The following TNR variants were observed in gnomAD, a reference collection of about 807,000 sequenced individuals.
TNR encodes the protein tenascin-R.
In TNR, 45 loss-of-function variants were observed where a neutral mutation model predicts 150.4. The observed-to-expected ratio is 0.30, with a 90% confidence interval of 0.24 to 0.38. TNR has a LOEUF of 0.38. Ranked by LOEUF, TNR falls within the 10% of genes least tolerant of loss-of-function variation. The pLI is 1.00. For missense variants in TNR, 1,544 were observed against 1,759.1 expected (o/e 0.88, Z 2.19); for synonymous variants, 687 against 678.4 (o/e 1.01, Z -0.20).
intron 1 of TNR, among the ~76,000 whole-genome samples, chr1:175,681,583 C>T (rs1326147835): frequency 1.3e-5 from 2 of 152,222 alleles, no homozygotes; most frequent in East Asian, 1.9e-4. Flanking sequence ...CATGCTCCTT[C>T]CTGTCTCCTG....
chr1:175,379,791 G>A, intron 8 of TNR, 54 bp from the exon 9 acceptor site: 1 of 1,579,618 alleles, frequency 6.3e-7, no homozygotes, highest in South Asian at 1.2e-5. Context: ...ATGTACATTT[G>A]TGGTGCATCT....
intron 1 of TNR, among the ~76,000 whole-genome samples, chr1:175,613,902 A>G (rs533305942): frequency 2.0e-5 from 3 of 152,100 alleles, no homozygotes; most frequent in Non-Finnish European, 4.4e-5. Context: ...AATCAGAGAG[A>G]TTTTATGGTA....
intron 1 of TNR, among the ~76,000 whole-genome samples, chr1:175,722,677 C>G (rs927050368): frequency 6.6e-6 from 1 of 152,150 alleles, no homozygotes; most frequent in Non-Finnish European, 1.5e-5. Flanking sequence ...GTTGCTCACA[C>G]TGGTCTTGAA....
At chr1:175,539,741 G>A (rs191797027) in intron 1 of TNR, among the ~76,000 whole-genome samples, 29 of 152,302 alleles carry the variant, frequency 1.9e-4, no homozygotes, top group Admixed American at 1.2e-3. Flanking sequence ...GAAGGTCTTC[G>A]CAAAACCCTC....
At chr1:175,619,322 T>C (rs1257450619) in intron 1 of TNR, among the ~76,000 whole-genome samples, 9 of 152,176 alleles carry the variant, frequency 5.9e-5, no homozygotes, top group Admixed American at 3.3e-4. Flanking sequence ...CTTTACCAGC[T>C]TGCAACACAT....
chr1:175,522,210 T>C (rs960862073), intron 2 of TNR, among the ~76,000 whole-genome samples: 7 of 152,190 alleles, frequency 4.6e-5, no homozygotes, highest in African/African-American at 1.7e-4. Flanking sequence ...GCTTAGAAGA[T>C]TTCTGACTCC....
intron 1 of TNR, among the ~76,000 whole-genome samples, chr1:175,616,120 G>C (rs556746513): frequency 4.9e-4 from 75 of 152,288 alleles, no homozygotes; most frequent in African/African-American, 1.5e-3. Context: ...GGCCAAATAG[G>C]CTTCCAGGTC....
In TNR at chr1:175,368,805, C is replaced by T. The variant is rs139795095; in HGVS notation, c.1964-1508G>A. On this transcript the variant is annotated intron_variant, in intron 9 of 22. Coordinates refer to ENST00000367674, the MANE Select transcript of TNR (RefSeq NM_003285.3). The stretch of plus-strand genomic sequence containing the variant: ...CTCTACTAAAATTACAACAATTAGC[C>T]GGGTGTGGTGGTGTGCACCTGTAGT... 1.1e-3 allele frequency among the ~76,000 whole-genome samples: 172 copies of T among 152,190 alleles called. 1 individual carries two copies. Among genetic ancestry groups the T allele is most frequent in the African/African-American group, 3.4e-3 (140 of 41,534 alleles).
intron 2 of TNR, among the ~76,000 whole-genome samples, chr1:175,505,467 G>C (rs1043809026): frequency 5.9e-5 from 9 of 152,210 alleles, no homozygotes; most frequent in Non-Finnish European, 1.2e-4. Flanking sequence ...CAGGAGGTCA[G>C]CAACCCGCCT....
intron 1 of TNR, among the ~76,000 whole-genome samples, chr1:175,674,918 G>A (rs901663960): frequency 2.0e-5 from 3 of 152,132 alleles, no homozygotes; most frequent in Admixed American, 2.0e-4. Flanking sequence ...TACCCGCACA[G>A]CTAATTAAGA....
chr1:175,534,691 G>C (rs1660200503), intron 1 of TNR, among the ~76,000 whole-genome samples: 1 of 152,218 alleles, frequency 6.6e-6, no homozygotes, highest in Non-Finnish European at 1.5e-5. Context: ...TAGAGGGGCT[G>C]CAGGATTCTG....
rs934152630 is a variant in TNR, at chr1:175,323,323, A to G, written c.*34T>C. On this transcript the variant is annotated 3_prime_UTR_variant, in exon 23 of 23. Transcript: ENST00000367674. Reference sequence around the variant, plus strand: ...ATATTATAAAATACAAACAAATGACAGAAAATATTGGTTGGCTTGCAGCCG... The same window carrying G: ...ATATTATAAAATACAAACAAATGACGGAAAATATTGGTTGGCTTGCAGCCG... 5.6e-6 allele frequency: 9 copies of G among 1,609,128 alleles called. No individual in the cohort carries two copies. The highest frequency in any genetic ancestry group is 7.6e-6 in the Non-Finnish European group (9 of 1,177,852).
intron 1 of TNR, among the ~76,000 whole-genome samples, chr1:175,688,943 C>T (rs913909762): frequency 6.6e-6 from 1 of 152,214 alleles, no homozygotes; most frequent in African/African-American, 2.4e-5. Context: ...ATACAGTGAC[C>T]TCTGCATGCT....
intron 18 of TNR, among the ~76,000 whole-genome samples, chr1:175,350,095 T>C (rs908628441): frequency 5.3e-5 from 8 of 152,194 alleles, no homozygotes; most frequent in African/African-American, 1.9e-4. Context: ...CAGAGTGTGG[T>C]GTTTGCCAAT....
chr1:175,426,819 AATATATATAAAATATATT>A (rs1478649144), intron 2 of TNR, among the ~76,000 whole-genome samples: 2 of 119,300 alleles, frequency 1.7e-5, no homozygotes, highest in African/African-American at 3.6e-5. Context: ...ATAAAATATA[AATATATATAAAATATATT>A]ATATATATAA....
At chr1:175,521,091 G>A (rs566397354) in intron 2 of TNR, among the ~76,000 whole-genome samples, 2 of 152,124 alleles carry the variant, frequency 1.3e-5, no homozygotes, top group Admixed American at 6.5e-5. Context: ...ATTGGGGTGG[G>A]GATGAGGATG....
chr1:175,494,883 T>C (rs1019240892), intron 2 of TNR, among the ~76,000 whole-genome samples: 1 of 152,206 alleles, frequency 6.6e-6, no homozygotes, highest in Non-Finnish European at 1.5e-5. Flanking sequence ...TCTAAAACAA[T>C]TCTTCATCAG....
At chr1:175,325,853 C>T (rs943503935) in intron 21 of TNR, among the ~76,000 whole-genome samples, 3 of 151,700 alleles carry the variant, frequency 2.0e-5, no homozygotes, top group Admixed American at 2.0e-4. Flanking sequence ...GAACATCACA[C>T]ACCAGGGCCT....
At chr1:175,406,155 C>T in intron 3 of TNR, 61 bp downstream of exon 3, 2 of 1,561,498 alleles carry the variant, frequency 1.3e-6, no homozygotes, top group Non-Finnish European at 1.7e-6. Flanking sequence ...GTTCACTCTC[C>T]CTCTCTGCTC....
Sources: gnomAD v4.1 joint callset for allele counts (sites outside exome capture counted in the v4.1 genomes callset) on GRCh38, gnomAD v4.1.1 for gene constraint, MANE v1.5 for transcripts, NCBI Gene and HGNC (gene_info 2026-07-23, HGNC 2026-07-21) for gene names.